The following MALRD1 variants were observed in gnomAD, a reference collection of about 807,000 sequenced individuals.
The protein encoded by MALRD1 is MAM and LDL-receptor class A domain-containing protein 1.
In MALRD1, 247 loss-of-function variants were observed where a neutral mutation model predicts 242.1. The observed-to-expected ratio is 1.02, with a 90% CI of 0.92 to 1.13. The LOEUF is 1.13. Ranked by LOEUF, MALRD1 falls within the 50% of genes most tolerant of loss-of-function variation. The pLI is 0.00. For missense variants in MALRD1, 2,989 were observed against 2,533.1 expected (o/e 1.18, Z -3.86); for synonymous variants, 995 against 866.6 (o/e 1.15, Z -2.60).
chr10:19,250,283 C>G (rs1564502490), intron 18 of MALRD1, among the ~76,000 whole-genome samples: 1 of 151,854 alleles, frequency 6.6e-6, no homozygotes, highest in Non-Finnish European at 1.5e-5. Flanking sequence ...AGCTCTGAAC[C>G]TTCTTCACTT....
In MALRD1 at chr10:19,571,802, A is replaced by C. The variant is rs572943981; in HGVS notation, c.5680+4099A>C. Among the ~76,000 whole-genome samples the C allele has an allele frequency of 3.3e-5, 5 of 152,316 alleles. No homozygotes were observed. In the South Asian group the frequency reaches 1.0e-3, roughly 32 times the overall value. ...TTGTTTGTCTTTCCTTAGTTAACTC[A>C]GATGAGACACAAATGAACCAAGGCG... On this transcript the variant is annotated intron_variant, in intron 33 of 39. Transcript: ENST00000454679.
At chr10:19,662,103 A>G (rs1841468737) in intron 36 of MALRD1, among the ~76,000 whole-genome samples, 1 of 152,196 alleles carries the variant, frequency 6.6e-6, no homozygotes, top group Non-Finnish European at 1.5e-5. Context: ...ATGAAAGAGT[A>G]TAATTATTAT....
intron 26 of MALRD1, among the ~76,000 whole-genome samples, chr10:19,369,477 A>G (rs1359898065): frequency 6.7e-6 from 1 of 148,566 alleles, no homozygotes; most frequent in African/African-American, 2.4e-5. Flanking sequence ...TTTTTTATAT[A>G]CTCTGGATGG....
At position 19,649,906 on chromosome 10, in the gene MALRD1, G is replaced by A. The variant is rs12412182; in HGVS notation, c.6137+33983G>A. 6.6e-3 allele frequency among the ~76,000 whole-genome samples: 999 copies of A among 152,178 alleles called. 44 individuals carry two copies. The highest frequency in any genetic ancestry group is 0.06 in the Admixed American group (911 of 15,262). ...CCATCTTGAGTTGATTTTTATATAT[G>A]GTGTGAGGAAGGTTTCCAGCTTCAA... On this transcript the variant is annotated intron_variant, in intron 36 of 39. Transcript: ENST00000454679.
chr10:19,571,633 A>G (rs1223557963), intron 33 of MALRD1, among the ~76,000 whole-genome samples: 2 of 152,210 alleles, frequency 1.3e-5, no homozygotes, highest in Non-Finnish European at 2.9e-5. Context: ...AAGAATTCTG[A>G]TAGTACAGGA....
intron 28 of MALRD1, among the ~76,000 whole-genome samples, chr10:19,412,184 G>A (rs539617344): frequency 8.5e-5 from 13 of 152,104 alleles, no homozygotes; most frequent in Admixed American, 2.6e-4. Context: ...CCAGCTACTC[G>A]GGAGGCTGAG....
chr10:19,568,620 A>G (rs1836361405), intron 33 of MALRD1, among the ~76,000 whole-genome samples: 1 of 152,068 alleles, frequency 6.6e-6, no homozygotes. Context: ...TAAAAATCTC[A>G]TATAATCACC....
rs542677626 is a variant in MALRD1, at chr10:19,584,100, T to C, written c.5681-11094T>C. On this transcript the variant is annotated intron_variant, in intron 33 of 39. Transcript: ENST00000454679. Reference sequence around the variant, plus strand: ...CTTTATCATTTTTTATTGCGTCTATTTGATTCTTCTCTCTTTTTTTCTTTA... The same window carrying C: ...CTTTATCATTTTTTATTGCGTCTATCTGATTCTTCTCTCTTTTTTTCTTTA... Among the ~76,000 whole-genome samples the C allele has an allele frequency of 3.3e-5, 5 of 150,950 alleles. No individual in the cohort carries two copies. In the East Asian group the frequency reaches 9.7e-4, roughly 29 times the overall value.
intron 2 of MALRD1, among the ~76,000 whole-genome samples, chr10:19,086,769 G>A (rs933047028): frequency 1.3e-5 from 2 of 152,082 alleles, no homozygotes; most frequent in African/African-American, 4.8e-5. Context: ...GGCCGAGTTA[G>A]GTCAAGAGCC....
intron 11 of MALRD1, among the ~76,000 whole-genome samples, chr10:19,153,738 C>T (rs1449981293): frequency 6.6e-6 from 1 of 151,752 alleles, no homozygotes; most frequent in Admixed American, 6.6e-5. Context: ...GATGTGGGAC[C>T]GTACATATCT....
intron 34 of MALRD1, among the ~76,000 whole-genome samples, chr10:19,605,776 G>T (rs1408543777): frequency 6.6e-6 from 1 of 151,874 alleles, no homozygotes; most frequent in Non-Finnish European, 1.5e-5. Context: ...TGACCTTATG[G>T]AATTTCTTTT....
At chr10:19,088,546 T>A (rs1835759091) in intron 4 of MALRD1, among the ~76,000 whole-genome samples, 1 of 142,186 alleles carries the variant, frequency 7.0e-6, no homozygotes, top group Non-Finnish European at 1.5e-5. Flanking sequence ...CTTTTTTTTT[T>A]TTTTTTATTT....
At chr10:19,068,294 T>A (rs984745692) in intron 2 of MALRD1, among the ~76,000 whole-genome samples, 1 of 152,078 alleles carries the variant, frequency 6.6e-6, no homozygotes, top group Non-Finnish European at 1.5e-5. Context: ...CTCTCTTTCC[T>A]TTCTGCCATT....
At chr10:19,291,114 C>T (rs1468902269) in intron 21 of MALRD1, among the ~76,000 whole-genome samples, 1 of 152,158 alleles carries the variant, frequency 6.6e-6, no homozygotes, top group Non-Finnish European at 1.5e-5. Flanking sequence ...TTTTATTTCA[C>T]TAAATGCCAA....
intron 36 of MALRD1, among the ~76,000 whole-genome samples, chr10:19,654,452 C>T (rs933831942): frequency 6.6e-6 from 1 of 152,138 alleles, no homozygotes; most frequent in African/African-American, 2.4e-5. Flanking sequence ...AGGCTGACTT[C>T]AGCTGGGACA....
In MALRD1 at chr10:19,486,042, CA is replaced by C. The variant is rs1175027696; in HGVS notation, c.5030-5468del. Among the ~76,000 whole-genome samples, 55 of 151,644 alleles carry C rather than the reference CA, an allele frequency of 3.6e-4. 3 individuals carry two copies. The highest frequency in any genetic ancestry group is 1.5e-5 in the Non-Finnish European group (1 of 67,922). ...TGATTACAAGTATTTAACCTAGTTA[CA>C]AAAAAATTTAAAAAGAAAAATGCGA... On this transcript the variant is annotated intron_variant, in intron 29 of 39. Transcript: ENST00000454679.
chr10:19,412,144 C>A (rs1322946444), intron 28 of MALRD1, among the ~76,000 whole-genome samples: 1 of 152,022 alleles, frequency 6.6e-6, no homozygotes, highest in Non-Finnish European at 1.5e-5. Flanking sequence ...ACTAAAAATA[C>A]AAAAATTAGC....
chr10:19,719,219 C>CATATATATATATAT (rs1290415118), intron 38 of MALRD1, among the ~76,000 whole-genome samples: 5 of 30,302 alleles, frequency 1.7e-4, no homozygotes, highest in African/African-American at 2.2e-4. Context: ...TATACACATA[C>CATATATATATATAT]ATACATATAT....
intron 26 of MALRD1, among the ~76,000 whole-genome samples, chr10:19,385,475 G>A (rs1043838620): frequency 3.9e-5 from 6 of 151,998 alleles, no homozygotes; most frequent in Non-Finnish European, 8.8e-5. Context: ...TTAGTAGGCT[G>A]TAGGAATTTC....
Sources: allele counts gnomAD v4.1 joint callset (sites outside exome capture counted in the v4.1 genomes callset), GRCh38; gene constraint gnomAD v4.1.1; transcripts MANE v1.5; gene names NCBI Gene and HGNC (gene_info 2026-07-23, HGNC 2026-07-21).